The following NUCB2 variants were observed in gnomAD, a reference collection of about 807,000 sequenced individuals.
The protein encoded by NUCB2 is nucleobindin 2.
A neutral mutation model predicts 57.9 loss-of-function variants in NUCB2; 48 were observed. The observed-to-expected ratio is 0.83, with a 90% CI of 0.66 to 1.05. NUCB2 has a LOEUF of 1.05. Among genes scored for constraint, NUCB2 ranks in the 50% least tolerant of loss-of-function variants. The pLI is 0.00. For synonymous variants in NUCB2, 139 were observed against 152.1 expected, an observed-to-expected ratio of 0.91 and a Z score of 0.64; for missense variants, 442 against 476.2, an observed-to-expected ratio of 0.93 and a Z score of 0.67.
intron 11 of NUCB2, among the ~76,000 whole-genome samples, chr11:17,327,571 T>A (rs1347496367): frequency 6.6e-6 from 1 of 152,244 alleles, no homozygotes; most frequent in Non-Finnish European, 1.5e-5. Context: ...ATTTGCCGTT[T>A]TGAGGCTGTT....
intron 2 of NUCB2, among the ~76,000 whole-genome samples, chr11:17,289,263 A>G (rs529233067): frequency 7.2e-5 from 11 of 152,098 alleles, no homozygotes; most frequent in Admixed American, 2.0e-4. Flanking sequence ...CAGCCTCTTC[A>G]TACCCTTTTG....
At chr11:17,337,026 G>A (rs966517801), downstream of NUCB2, among the ~76,000 whole-genome samples, 3 of 151,534 alleles carry the variant, frequency 2.0e-5, no homozygotes, top group East Asian at 5.8e-4. Flanking sequence ...CTATAGTCTC[G>A]AACTTCTGGG....
intron 5 of NUCB2, among the ~76,000 whole-genome samples, chr11:17,306,459 A>G (rs1947652568): frequency 6.6e-6 from 1 of 152,248 alleles, no homozygotes; most frequent in East Asian, 1.9e-4. Flanking sequence ...AAGTAAATTG[A>G]GTCATGCCAT....
intron 5 of NUCB2, 84 bp from the exon 6 acceptor site, chr11:17,309,488 A>T: frequency 1.3e-6 from 1 of 795,216 alleles, no homozygotes; most frequent in Non-Finnish European, 2.0e-6. Flanking sequence ...ATAGGAATAA[A>T]TATGAAATCT....
chr11:17,345,376 A>G (rs1343434749), intron 2 of NUCB2, among the ~76,000 whole-genome samples: 3 of 152,226 alleles, frequency 2.0e-5, no homozygotes, highest in Non-Finnish European at 4.4e-5. Context: ...TTATTGGGAG[A>G]ATATTGAAAA....
chr11:17,309,559 T>G lies in NUCB2; in HGVS notation c.380-13T>G. ...AGAAATTGATCATTTACAGTTTTCT[T>G]ATTTTCTTTCAGATATAGGCATGGA... On this transcript the variant is annotated splice_polypyrimidine_tract_variant and intron_variant, in intron 5 of 13. Coordinates refer to ENST00000529010, the MANE Select transcript of NUCB2 (RefSeq NM_005013.4). 1 of 1,445,074 alleles carries G rather than the reference T, an allele frequency of 6.9e-7. No individual in the cohort carries two copies. The highest frequency in any genetic ancestry group is 9.4e-7 in the Non-Finnish European group (1 of 1,060,014). The allele number at this position is 1,445,074 out of a possible 1,614,324, so 89.5% of individuals were successfully genotyped here.
chr11:17,347,542 A>T (rs1952841698), intron 2 of NUCB2, among the ~76,000 whole-genome samples: 1 of 152,112 alleles, frequency 6.6e-6, no homozygotes, highest in African/African-American at 2.4e-5. Flanking sequence ...ATGAACAAAT[A>T]TTTTTTTAAT....
At chr11:17,317,083 G>A (rs1360817848) in intron 11 of NUCB2, among the ~76,000 whole-genome samples, 1 of 152,142 alleles carries the variant, frequency 6.6e-6, no homozygotes. Flanking sequence ...TGGTAGACTA[G>A]AAGATCAATA....
intron 7 of NUCB2, 25 bp downstream of exon 7, chr11:17,311,035 C>A (rs548093547): frequency 2.0e-6 from 3 of 1,533,876 alleles, no homozygotes; most frequent in South Asian, 1.3e-5. Flanking sequence ...TTTATGAAAC[C>A]ATTTTTAGAT....
chr11:17,323,110 G>A (rs1950234242), intron 11 of NUCB2, among the ~76,000 whole-genome samples: 1 of 152,008 alleles, frequency 6.6e-6, no homozygotes, highest in African/African-American at 2.4e-5. Flanking sequence ...GGGACTTCCA[G>A]TACTACATTG....
At chr11:17,348,319 G>GTTTTTTTTTTTTTTTTTTTT (rs55741571) in intron 2 of NUCB2, among the ~76,000 whole-genome samples, 1 of 84,466 alleles carries the variant, frequency 1.2e-5, no homozygotes, top group Non-Finnish European at 2.1e-5. Context: ...TTGTTTTTGT[G>GTTTTTTTTTTTTTTTTTTTT]TTTTTTTTTT....
In NUCB2 at chr11:17,278,170, C is replaced by CTTTT. The variant is rs35441492; in HGVS notation, c.-156+1362_-156+1365dup. 3.2e-3 allele frequency among the ~76,000 whole-genome samples: 273 copies of CTTTT among 85,144 alleles called. 3 individuals carry two copies. Among genetic ancestry groups the CTTTT allele is most frequent in the Non-Finnish European group, 4.2e-3 (187 of 44,250 alleles). 55.9% of individuals were successfully genotyped at this position (85,144 alleles called of 152,430 possible). A position where few individuals can be genotyped will look rare whatever the true frequency, so the allele number is the denominator to read the frequency against. ...TCTTCTCTATCCAAATTTTACCCAT[C>CTTTT]TTTTTTTTTTTTTTTTTTTTTTTGA... is the stretch of plus-strand genomic sequence containing the variant. On this transcript the variant is annotated intron_variant, in intron 1 of 13. Transcript: ENST00000529010.
intron 2 of NUCB2, among the ~76,000 whole-genome samples, chr11:17,284,572 T>C (rs1005788193): frequency 6.6e-6 from 1 of 152,234 alleles, no homozygotes; most frequent in Non-Finnish European, 1.5e-5. Flanking sequence ...AGTTTTTACA[T>C]TTTTTGGTTG....
intron 1 of NUCB2, among the ~76,000 whole-genome samples, chr11:17,281,136 A>T (rs1319096911): frequency 9.7e-4 from 147 of 151,952 alleles, no homozygotes; most frequent in African/African-American, 3.1e-3. Context: ...TATTTATTTT[A>T]TTTATTTTTT....
chr11:17,329,028 C>T (rs1391710422), intron 11 of NUCB2, among the ~76,000 whole-genome samples: 1 of 151,896 alleles, frequency 6.6e-6, no homozygotes, highest in Non-Finnish European at 1.5e-5. Flanking sequence ...GCCAGGACTG[C>T]TCCCTTAAGG....
chr11:17,307,053 A>G (rs1397955141), intron 5 of NUCB2, among the ~76,000 whole-genome samples: 1 of 152,138 alleles, frequency 6.6e-6, no homozygotes, highest in Non-Finnish European at 1.5e-5. Flanking sequence ...GGAGGGGGGT[A>G]ATTTTTAAAG....
At chr11:17,347,216 C>T (rs1185254225) in intron 2 of NUCB2, among the ~76,000 whole-genome samples, 3 of 152,218 alleles carry the variant, frequency 2.0e-5, no homozygotes, top group Non-Finnish European at 4.4e-5. Context: ...ACAGGTGATA[C>T]ACAAAGGGTT....
chr11:17,307,401 C>T (rs1253298655), intron 5 of NUCB2, among the ~76,000 whole-genome samples: 1 of 152,072 alleles, frequency 6.6e-6, no homozygotes, highest in Non-Finnish European at 1.5e-5. Context: ...TTCAAGTGGT[C>T]CTCCTGCCTC....
intron 2 of NUCB2, among the ~76,000 whole-genome samples, chr11:17,341,452 T>C (rs1952258055): frequency 6.6e-6 from 1 of 151,990 alleles, no homozygotes; most frequent in Non-Finnish European, 1.5e-5. Context: ...GGCTGTGGGT[T>C]TGTCATAGAT....
Sources: gnomAD v4.1 joint callset for allele counts (sites outside exome capture counted in the v4.1 genomes callset) on GRCh38, gnomAD v4.1.1 for gene constraint, MANE v1.5 for transcripts, NCBI Gene and HGNC (gene_info 2026-07-23, HGNC 2026-07-21) for gene names.